The following GRIA1 variants were observed in gnomAD, a reference collection of about 807,000 sequenced individuals.
The protein encoded by GRIA1 is glutamate receptor 1.
A neutral mutation model predicts 99.2 loss-of-function variants in GRIA1; 31 were observed. That is an observed-to-expected ratio of 0.31 (90% CI 0.23 to 0.42). GRIA1 has a LOEUF of 0.42. GRIA1 is among the 10% of genes least tolerant of loss of function. GRIA1 has a pLI of 1.00. For synonymous variants in GRIA1, 438 were observed against 432.4 expected (o/e 1.01, Z -0.16); for missense variants, 782 against 1,157.5 (o/e 0.68, Z 4.71).
intron 11 of GRIA1, among the ~76,000 whole-genome samples, chr5:153,759,627 A>G (rs1324376146): frequency 6.6e-6 from 1 of 152,050 alleles, no homozygotes; most frequent in Non-Finnish European, 1.5e-5. Context: ...CAAATAGTTA[A>G]AGAAGAACTA....
chr5:153,559,046 G>T (rs556590045), intron 2 of GRIA1, among the ~76,000 whole-genome samples: 8 of 152,232 alleles, frequency 5.3e-5, no homozygotes, highest in African/African-American at 1.9e-4. Flanking sequence ...GTGTGACATT[G>T]CCAGCCTTCT....
At chr5:153,643,006 G>T (rs1023776319) in intron 2 of GRIA1, among the ~76,000 whole-genome samples, 2 of 152,096 alleles carry the variant, frequency 1.3e-5, no homozygotes, top group Admixed American at 1.3e-4. Context: ...CACAACTCCT[G>T]CAGAGTAGTG....
At chr5:153,784,513 ACT>A (rs1447671367) in intron 13 of GRIA1, among the ~76,000 whole-genome samples, 2 of 152,134 alleles carry the variant, frequency 1.3e-5, no homozygotes, top group Non-Finnish European at 2.9e-5. Flanking sequence ...AGATCGCAGA[ACT>A]CTCTGTTCCT....
intron 2 of GRIA1, among the ~76,000 whole-genome samples, chr5:153,627,600 A>G (rs1315050089): frequency 6.6e-6 from 1 of 152,212 alleles, no homozygotes; most frequent in Non-Finnish European, 1.5e-5. Flanking sequence ...TGCTCTCTGT[A>G]AAGTGAATTC....
chr5:153,509,075 T>C (rs571729820), intron 2 of GRIA1, among the ~76,000 whole-genome samples: 18 of 152,212 alleles, frequency 1.2e-4, no homozygotes, highest in Non-Finnish European at 2.1e-4. Context: ...CTAAACCTAA[T>C]GCTCATGGGG....
At chr5:153,653,057 A>G (rs879711181) in intron 4 of GRIA1, among the ~76,000 whole-genome samples, 12 of 152,166 alleles carry the variant, frequency 7.9e-5, no homozygotes, top group Middle Eastern at 3.2e-3. Flanking sequence ...GCCCCCACCC[A>G]ACTAAAATCT....
intron 11 of GRIA1, among the ~76,000 whole-genome samples, chr5:153,724,929 C>G (rs1760392596): frequency 6.6e-6 from 1 of 152,088 alleles, no homozygotes; most frequent in African/African-American, 2.4e-5. Flanking sequence ...AAGAGCAACT[C>G]CAAGACACGT....
At chr5:153,646,257 A>G (rs1754138510) in intron 2 of GRIA1, among the ~76,000 whole-genome samples, 1 of 150,876 alleles carries the variant, frequency 6.6e-6, no homozygotes, top group Admixed American at 6.6e-5. Flanking sequence ...GCACAAAGTG[A>G]ACATTAGCAG....
At chr5:153,494,698 T>G (rs1263663864) in intron 2 of GRIA1, among the ~76,000 whole-genome samples, 1 of 152,152 alleles carries the variant, frequency 6.6e-6, no homozygotes, top group East Asian at 1.9e-4. Flanking sequence ...ACATCTGAAT[T>G]GAATGCATTG....
At chr5:153,673,434 A>G (rs1252362582) in intron 5 of GRIA1, among the ~76,000 whole-genome samples, 1 of 152,206 alleles carries the variant, frequency 6.6e-6, no homozygotes, top group Admixed American at 6.5e-5. Flanking sequence ...TGTCTTCCCC[A>G]CTAGAATATA....
At chr5:153,704,584 T>C (rs1181695239) in intron 10 of GRIA1, among the ~76,000 whole-genome samples, 1 of 152,232 alleles carries the variant, frequency 6.6e-6, no homozygotes, top group African/African-American at 2.4e-5. Flanking sequence ...ATTATATATG[T>C]ATTTCTTAGA....
chr5:153,514,422 T>G (rs1468606353), intron 2 of GRIA1, among the ~76,000 whole-genome samples: 3 of 152,258 alleles, frequency 2.0e-5, no homozygotes, highest in Admixed American at 1.3e-4. Context: ...AGCCAGCTTT[T>G]CCGGCACCAT....
At chr5:153,645,358 C>T (rs2149451374) in intron 2 of GRIA1, among the ~76,000 whole-genome samples, 1 of 152,220 alleles carries the variant, frequency 6.6e-6, no homozygotes, top group South Asian at 2.1e-4. Context: ...CTTTAAAGCC[C>T]ATTTTCTCTA....
intron 2 of GRIA1, among the ~76,000 whole-genome samples, chr5:153,628,335 A>C (rs1239547081): frequency 1.3e-5 from 2 of 152,184 alleles, no homozygotes; most frequent in East Asian, 3.9e-4. Flanking sequence ...GGCTACAAGC[A>C]TGGAGCTGAA....
At chr5:153,741,605 C>T (rs1166454079) in intron 11 of GRIA1, among the ~76,000 whole-genome samples, 1 of 152,160 alleles carries the variant, frequency 6.6e-6, no homozygotes, top group Non-Finnish European at 1.5e-5. Context: ...TATACAACAA[C>T]ATGGATGAAC....
chr5:153,790,759 A>G (rs1765244972), intron 13 of GRIA1, among the ~76,000 whole-genome samples: 1 of 152,106 alleles, frequency 6.6e-6, no homozygotes, highest in African/African-American at 2.4e-5. Flanking sequence ...TGAAGTTAAC[A>G]TTTAACACAC....
At chr5:153,559,302 T>A (rs1760919083) in intron 2 of GRIA1, among the ~76,000 whole-genome samples, 1 of 152,166 alleles carries the variant, frequency 6.6e-6, no homozygotes, top group East Asian at 1.9e-4. Flanking sequence ...TTTTTGTTCA[T>A]TAACTTCTCT....
intron 2 of GRIA1, among the ~76,000 whole-genome samples, chr5:153,585,662 T>C (rs777216207): frequency 6.6e-6 from 1 of 152,148 alleles, no homozygotes; most frequent in Non-Finnish European, 1.5e-5. Flanking sequence ...TTACTGTTTT[T>C]GGAATATAAA....
intron 5 of GRIA1, among the ~76,000 whole-genome samples, chr5:153,662,338 G>A (rs1755431871): frequency 6.6e-6 from 1 of 152,192 alleles, no homozygotes. Flanking sequence ...TGTCCCAGAA[G>A]CAACCTGACC....
Sources: gnomAD v4.1 joint callset for allele counts (sites outside exome capture counted in the v4.1 genomes callset) on GRCh38, gnomAD v4.1.1 for gene constraint, MANE v1.5 for transcripts, NCBI Gene and HGNC (gene_info 2026-07-23, HGNC 2026-07-21) for gene names.